LOXHD1: variants seen among roughly 807,000 people sequenced by gnomAD.
The protein encoded by LOXHD1 is lipoxygenase homology domain-containing protein 1.
Under a neutral mutation model 248.2 loss-of-function variants are expected in LOXHD1, and 205 were observed. The ratio of observed to expected loss-of-function variants is 0.83; its 90% CI spans 0.74 to 0.93. LOXHD1 has a LOEUF of 0.93. Among genes scored for constraint, LOXHD1 ranks in the 40% least tolerant of loss-of-function variants. LOXHD1 has a pLI of 0.00. For synonymous variants in LOXHD1, 1,113 were observed against 1,162.8 expected, an observed-to-expected ratio of 0.96 and a Z score of 0.87; for missense variants, 2,930 against 2,971.6, an observed-to-expected ratio of 0.99 and a Z score of 0.33.
intron 19 of LOXHD1, 94 bp downstream of exon 19, chr18:46,559,989 G>A: frequency 1.4e-6 from 2 of 1,384,154 alleles, no homozygotes; most frequent in Non-Finnish European, 2.0e-6. Flanking sequence ...GCCTCCACGT[G>A]AGGGGGATCT....
chr18:46,483,478 C>G, intron 40 of LOXHD1, 109 bp downstream of exon 40: 1 of 1,346,626 alleles, frequency 7.4e-7, no homozygotes, highest in Middle Eastern at 2.0e-4. Flanking sequence ...GTAATCTTGA[C>G]CTTGAAGAAG....
chr18:46,536,115 C>T (rs2144299458), intron 26 of LOXHD1, among the ~76,000 whole-genome samples: 1 of 152,314 alleles, frequency 6.6e-6, no homozygotes, highest in South Asian at 2.1e-4. Flanking sequence ...ATTTCCTCAT[C>T]TGTAAAATGG....
At chr18:46,542,186 T>G (rs763586336) in intron 24 of LOXHD1, among the ~76,000 whole-genome samples, 1 of 152,142 alleles carries the variant, frequency 6.6e-6, no homozygotes, top group African/African-American at 2.4e-5. Context: ...CAATAGGAGA[T>G]GACAGGAGAG....
rs35088381 is a variant in LOXHD1 at position 46,577,783 on chromosome 18, C to T, written c.1894G>A (p.Gly632Ser). 6.3e-5 allele frequency: 98 copies of T among 1,551,602 alleles called. No individual in the cohort carries two copies. In the East Asian group the frequency reaches 1.8e-3, roughly 29 times the overall value. The change falls in exon 14 of 41, where the codon GGC becomes AGC. Residue 632 changes from glycine to serine, a missense_variant. Coordinates refer to ENST00000642948, the MANE Select transcript of LOXHD1 (RefSeq NM_001384474.1). The stretch of plus-strand genomic sequence containing the variant: ...ACCAGCACTCTGTCCAGGTACCAGC[C>T]GCTGCCGGAGCCTTTGCCATCGTGT... ...IRHDGKGSGS[G>S]WYLDRVLVRE...
At chr18:46,489,313 G>A (rs547606063) in intron 37 of LOXHD1, among the ~76,000 whole-genome samples, 171 bp from the exon 38 acceptor site, 1 of 152,226 alleles carries the variant, frequency 6.6e-6, no homozygotes, top group African/African-American at 2.4e-5. Flanking sequence ...TGGTCTCAGA[G>A]GGTTCCTCCA....
intron 25 of LOXHD1, 82 bp from the exon 26 acceptor site, chr18:46,538,419 C>A: frequency 7.4e-7 from 1 of 1,353,174 alleles, no homozygotes. Context: ...TCTTCACCAG[C>A]ACAACCAGCC....
At chr18:46,482,936 AC>A (rs2032706655) in intron 40 of LOXHD1, among the ~76,000 whole-genome samples, 2 of 152,174 alleles carry the variant, frequency 1.3e-5, no homozygotes, top group African/African-American at 4.8e-5. Context: ...CCTTCTCAGC[AC>A]CTTTCCTGCC....
chr18:46,612,296 G>A (rs2038519900), intron 5 of LOXHD1, among the ~76,000 whole-genome samples: 1 of 152,106 alleles, frequency 6.6e-6, no homozygotes, highest in East Asian at 1.9e-4. Flanking sequence ...CAGTTTATTA[G>A]ATGTTGCAAA....
intron 34 of LOXHD1, among the ~76,000 whole-genome samples, chr18:46,510,137 A>G (rs77632799): frequency 1.1e-3 from 171 of 152,362 alleles, no homozygotes; most frequent in African/African-American, 3.9e-3. Context: ...GGTCTGGAGA[A>G]TAACACTAGC....
chr18:46,579,905 T>G (rs1378693442), intron 12 of LOXHD1, 121 bp from the exon 13 acceptor site: 2 of 1,161,290 alleles, frequency 1.7e-6, no homozygotes, highest in Non-Finnish European at 2.4e-6. Flanking sequence ...TGGGCTGACC[T>G]TCCCCCTTCC....
chr18:46,566,187 C>G, intron 17 of LOXHD1, 70 bp downstream of exon 17: 233 of 1,398,410 alleles, frequency 1.7e-4, no homozygotes, highest in Non-Finnish European at 2.0e-4. Context: ...CCCCATGGTC[C>G]CTCCTCCTTC....
At chr18:46,589,288 ACCAATTGTTACCT>A (rs1036200032) in intron 12 of LOXHD1, among the ~76,000 whole-genome samples, 2 of 152,136 alleles carry the variant, frequency 1.3e-5, no homozygotes, top group Non-Finnish European at 2.9e-5. Flanking sequence ...CCATCAGCTG[ACCAATTGTTACCT>A]CCTCCTCCCT....
intron 26 of LOXHD1, among the ~76,000 whole-genome samples, chr18:46,536,732 C>T (rs1286581429): frequency 2.6e-5 from 4 of 152,172 alleles, no homozygotes; most frequent in African/African-American, 7.2e-5. Flanking sequence ...AAAGACTCAG[C>T]AAAGGTGACA....
intron 37 of LOXHD1, among the ~76,000 whole-genome samples, chr18:46,494,431 C>T (rs1426603475): frequency 6.6e-6 from 1 of 152,182 alleles, no homozygotes; most frequent in Non-Finnish European, 1.5e-5. Flanking sequence ...TGACAATAAT[C>T]TTTGGCAAGC....
In LOXHD1 at chr18:46,547,064, G is replaced by A. The variant is rs977483333; in HGVS notation, c.3351-6C>T. ...GTTGGCATGGAAAGTAGTACCTGTG[G>A]GGGTGGATAGGGAAAGATTGGAATG... On this transcript the variant is annotated splice_polypyrimidine_tract_variant and splice_region_variant and intron_variant, in intron 21 of 40. Coordinates refer to ENST00000642948, the MANE Select transcript of LOXHD1 (RefSeq NM_001384474.1). The A allele has an allele frequency of 6.4e-7, 1 of 1,551,578 alleles. No homozygotes were observed. Among genetic ancestry groups the A allele is most frequent in the African/African-American group, 1.4e-5 (1 of 73,040 alleles).
chr18:46,494,849 C>CTTTTTTTTTTTTTTTTTTTTTTTTTTTT (rs58016824), intron 37 of LOXHD1, among the ~76,000 whole-genome samples: 1 of 96,556 alleles, frequency 1.0e-5, no homozygotes, highest in Non-Finnish European at 2.1e-5. Flanking sequence ...TTCTCTCTCT[C>CTTTTTTTTTTTTTTTTTTTTTTTTTTTT]TTTTTTTTTT....
chr18:46,524,392 G>T, intron 31 of LOXHD1, 74 bp downstream of exon 31: 1 of 1,507,622 alleles, frequency 6.6e-7, no homozygotes. Context: ...GCTCAAGAAT[G>T]GCTCATCCAA....
rs114745545 is a variant in LOXHD1, at chr18:46,579,832, C to T, written c.1655-48G>A. On this transcript the variant is annotated intron_variant, in intron 12 of 40. Coordinates refer to ENST00000642948, the MANE Select transcript of LOXHD1 (RefSeq NM_001384474.1). ...TCATTGCTGACAGCCCCCTGCTTCC[C>T]ATCCCTAGCCCTGCTGCTCCCACTT... The T allele has an allele frequency of 9.0e-4, 1,367 of 1,525,324 alleles. 9 individuals carry two copies. In the African/African-American group the frequency reaches 0.017, roughly 19 times the overall value. The allele number at this position is 1,525,324 out of a possible 1,614,324, so 94.5% of individuals were successfully genotyped here.
At chr18:46,538,082 C>T in intron 26 of LOXHD1, 74 bp downstream of exon 26, 2 of 1,359,198 alleles carry the variant, frequency 1.5e-6, no homozygotes, top group East Asian at 2.5e-5. Context: ...ATGTGTTCTG[C>T]CCTGAAGGTA....
Sources: allele counts gnomAD v4.1 joint callset (sites outside exome capture counted in the v4.1 genomes callset), GRCh38; gene constraint gnomAD v4.1.1; transcripts MANE v1.5; gene names NCBI Gene and HGNC (gene_info 2026-07-23, HGNC 2026-07-21).